Variants in CDH13 observed in about 807,000 individuals in gnomAD.
CDH13 encodes the protein cadherin 13.
In CDH13, 24 loss-of-function variants were observed where a neutral mutation model predicts 63.8. The ratio of observed to expected loss-of-function variants is 0.38; its 90% CI spans 0.27 to 0.53. The LOEUF (loss-of-function observed/expected upper bound fraction) is 0.53, where lower values mean the gene tolerates loss of function less well. Ranked by LOEUF, CDH13 falls within the 20% of genes least tolerant of loss-of-function variation. The pLI is 0.85. For missense variants in CDH13, 1,049 were observed against 903.1 expected (o/e 1.16, Z -2.07); for synonymous variants, 503 against 355.3 (o/e 1.42, Z -4.67).
At chr16:83,544,835 G>T (rs1429412319) in intron 7 of CDH13, among the ~76,000 whole-genome samples, 1 of 152,120 alleles carries the variant, frequency 6.6e-6, no homozygotes, top group African/African-American at 2.4e-5. Flanking sequence ...GTATCTACTA[G>T]GATTAAAAGA....
At chr16:83,258,046 A>G (rs1394617294) in intron 5 of CDH13, among the ~76,000 whole-genome samples, 1 of 152,230 alleles carries the variant, frequency 6.6e-6, no homozygotes, top group African/African-American at 2.4e-5. Context: ...TTATTCTTGC[A>G]TACTCTTGGT....
At chr16:83,130,719 G>C (rs181288611) in intron 4 of CDH13, among the ~76,000 whole-genome samples, 1 of 152,330 alleles carries the variant, frequency 6.6e-6, no homozygotes, top group Non-Finnish European at 1.5e-5. Context: ...ACAGGAGTTA[G>C]CATGCTGGCA....
chr16:83,283,144 C>T (rs1483444031), intron 5 of CDH13, among the ~76,000 whole-genome samples: 1 of 152,186 alleles, frequency 6.6e-6, no homozygotes, highest in Admixed American at 6.5e-5. Context: ...TCCCTTAGAT[C>T]TTCACAGATT....
intron 13 of CDH13, among the ~76,000 whole-genome samples, chr16:83,783,809 G>T (rs1296303458): frequency 6.6e-6 from 1 of 152,164 alleles, no homozygotes; most frequent in Non-Finnish European, 1.5e-5. Context: ...TCTATCAGAG[G>T]CCTGTTTCTC....
At position 83,625,176 on chromosome 16, in the gene CDH13, G is replaced by C. The variant is rs537638510; in HGVS notation, c.1101+22582G>C. 5.1e-4 allele frequency among the ~76,000 whole-genome samples: 78 copies of C among 152,146 alleles called. 1 individual carries two copies. The highest frequency in any genetic ancestry group is 1.8e-3 in the African/African-American group (73 of 41,504). On this transcript the variant is annotated intron_variant, in intron 8 of 13. Transcript: ENST00000567109. ...ACTCTGTGTGTGTGTGTGCTCATGT[G>C]TGTGTGTGTGCTCATGTGTGTGTGT... is the stretch of plus-strand genomic sequence containing the variant.
intron 10 of CDH13, among the ~76,000 whole-genome samples, chr16:83,743,726 T>A (rs964437355): frequency 1.4e-5 from 2 of 147,366 alleles, no homozygotes; most frequent in Non-Finnish European, 3.0e-5. Context: ...TGCTACCTGA[T>A]GAGTTGCCTT....
intron 5 of CDH13, among the ~76,000 whole-genome samples, chr16:83,274,520 C>T (rs889907715): frequency 3.9e-5 from 6 of 152,142 alleles, no homozygotes; most frequent in African/African-American, 1.2e-4. Context: ...GTGAGGTTAT[C>T]TGATTAGTGT....
intron 2 of CDH13, among the ~76,000 whole-genome samples, chr16:83,029,747 A>C (rs370351318): frequency 6.6e-6 from 1 of 152,230 alleles, no homozygotes; most frequent in South Asian, 2.1e-4. Context: ...AAGGGAGGGG[A>C]CTGGTAATGT....
rs1389739813 is a variant in CDH13 at position 83,678,445 on chromosome 16, C to A, written c.1522C>A (p.Gln508Lys). The change falls in exon 10 of 14, where the codon CAG becomes AAG. Residue 508 changes from glutamine (Q) to lysine (K), a missense_variant. Physicochemically the swap from Gln to Lys is moderately conservative, Grantham distance 53. Coordinates refer to ENST00000567109, the MANE Select transcript of CDH13 (RefSeq NM_001257.5). The part of the protein sequence containing the change: ...TVNATDPDSL[Q>K]HQTIRYSVYK... ...GAATGCCACGGACCCCGACTCCCTG[C>A]AGCATCAAACCATCAGGTGGGTGAG... 1.9e-6 allele frequency: 3 copies of A among 1,613,936 alleles called. No homozygotes were observed. Among genetic ancestry groups the A allele is most frequent in the South Asian group, 2.2e-5 (2 of 91,080 alleles).
At chr16:82,700,342 T>A (rs1407748806) in intron 1 of CDH13, among the ~76,000 whole-genome samples, 1 of 152,164 alleles carries the variant, frequency 6.6e-6, no homozygotes, top group African/African-American at 2.4e-5. Context: ...ACGATGAGAA[T>A]CAGTACCATG....
chr16:83,636,082 C>G (rs1911237759), intron 8 of CDH13, among the ~76,000 whole-genome samples: 1 of 136,822 alleles, frequency 7.3e-6, no homozygotes, highest in South Asian at 2.4e-4. Flanking sequence ...CATTGAATTG[C>G]TATTGTCCCC....
intron 2 of CDH13, among the ~76,000 whole-genome samples, chr16:82,892,384 A>G (rs1299445370): frequency 6.6e-6 from 1 of 152,154 alleles, no homozygotes; most frequent in Non-Finnish European, 1.5e-5. Flanking sequence ...ATGACATTTG[A>G]CTGTTTTCAA....
chr16:83,730,458 G>T (rs1304302622), intron 10 of CDH13, among the ~76,000 whole-genome samples: 1 of 152,156 alleles, frequency 6.6e-6, no homozygotes. Context: ...TTTCCCTCTA[G>T]AATGTTGTTT....
At chr16:83,778,228 T>A (rs1053188680) in intron 11 of CDH13, among the ~76,000 whole-genome samples, 2 of 152,232 alleles carry the variant, frequency 1.3e-5, no homozygotes, top group Admixed American at 1.3e-4. Flanking sequence ...GTTTAATGTT[T>A]AAGTGAAATA....
intron 2 of CDH13, among the ~76,000 whole-genome samples, chr16:82,950,911 G>A (rs1008514593): frequency 6.6e-6 from 1 of 150,982 alleles, no homozygotes; most frequent in African/African-American, 2.4e-5. Flanking sequence ...ATCATAAAGA[G>A]AAGGAAACCA....
At chr16:83,442,557 TTTTTTTC>T (rs1420240013) in intron 6 of CDH13, among the ~76,000 whole-genome samples, 1 of 152,238 alleles carries the variant, frequency 6.6e-6, no homozygotes, top group African/African-American at 2.4e-5. Context: ...TTGCAAGTTT[TTTTTTTC>T]TTTTTCTTTA....
intron 10 of CDH13, among the ~76,000 whole-genome samples, chr16:83,687,453 A>G (rs796424507): frequency 6.6e-5 from 10 of 152,268 alleles, no homozygotes; most frequent in African/African-American, 2.2e-4. Flanking sequence ...CCGAGGTGCT[A>G]CACACTTTTA....
intron 3 of CDH13, among the ~76,000 whole-genome samples, chr16:83,100,553 C>T (rs2034426520): frequency 6.6e-6 from 1 of 152,174 alleles, no homozygotes; most frequent in Non-Finnish European, 1.5e-5. Context: ...TCTATTTGTG[C>T]TCCTAGGTGG....
At chr16:83,113,750 G>A (rs560906775) in intron 3 of CDH13, among the ~76,000 whole-genome samples, 9 of 152,152 alleles carry the variant, frequency 5.9e-5, no homozygotes, top group Non-Finnish European at 1.0e-4. Flanking sequence ...GGGAGGGACG[G>A]GAAGGGAAGT....
Sources: allele counts gnomAD v4.1 joint callset (sites outside exome capture counted in the v4.1 genomes callset), GRCh38; gene constraint gnomAD v4.1.1; transcripts MANE v1.5; gene names NCBI Gene and HGNC (gene_info 2026-07-23, HGNC 2026-07-21).